Variants in ZIM2 observed in about 807,000 individuals in gnomAD.
ZIM2 encodes zinc finger protein 656.
A neutral mutation model predicts 38.6 loss-of-function variants in ZIM2; 14 were observed. The observed-to-expected ratio is 0.36, with a 90% CI of 0.24 to 0.57. The LOEUF (loss-of-function observed/expected upper bound fraction) is 0.57, where lower values mean the gene tolerates loss of function less well. Among genes scored for constraint, ZIM2 ranks in the 20% least tolerant of loss-of-function variants. The pLI is 0.81. For synonymous variants in ZIM2, 247 were observed against 245.8 expected (o/e 1.00, Z -0.04); for missense variants, 680 against 695.1 (o/e 0.98, Z 0.24).
intron 9 of ZIM2, among the ~76,000 whole-genome samples, chr19:56,795,567 A>C (rs1285703798): frequency 1.3e-5 from 2 of 152,204 alleles, no homozygotes; most frequent in Non-Finnish European, 2.9e-5. Flanking sequence ...TCTGCGGTGG[A>C]CGGGCTGAGG....
At chr19:56,836,938 C>G (rs977478068) in intron 1 of ZIM2, among the ~76,000 whole-genome samples, 6 of 141,826 alleles carry the variant, frequency 4.2e-5, no homozygotes, top group Non-Finnish European at 9.0e-5. Context: ...CCACCACACT[C>G]CAGCCTGGGT....
intron 9 of ZIM2, chr19:56,812,199 G>A: frequency 2.0e-6 from 2 of 981,702 alleles, no homozygotes; most frequent in Non-Finnish European, 2.4e-6. Context: ...TATTATGCGA[G>A]GGGAGGGGAA....
At chr19:56,810,620 A>G in intron 9 of ZIM2, 3 of 927,842 alleles carry the variant, frequency 3.2e-6, no homozygotes, top group Non-Finnish European at 3.9e-6. Flanking sequence ...CCAAAACACC[A>G]AAGATTATTT....
intron 1 of ZIM2, among the ~76,000 whole-genome samples, chr19:56,839,409 G>A (rs2062683016): frequency 6.6e-6 from 1 of 151,206 alleles, no homozygotes. Context: ...CATCAAACAT[G>A]GCGTCCAAGC....
chr19:56,814,392 A>T lies in ZIM2; in HGVS notation c.490+3354T>A, dbSNP rs200724308. 6.2e-7 allele frequency: 1 copy of T among 1,613,758 alleles called. No individual in the cohort carries two copies. The highest frequency in any genetic ancestry group is 8.5e-7 in the Non-Finnish European group (1 of 1,179,806). On this transcript the variant is annotated intron_variant, in intron 9 of 12. Coordinates refer to ENST00000629319, the MANE Select transcript of ZIM2 (RefSeq NM_001387356.1). This position sits in a 1 kb window ranked among gnomAD's most constrained non-coding sequence, Gnocchi z 5.8. ...CTTCTTCTTCCAGATGAAGCTCCTT[A>T]TGTTTAGTGAGGACTGTGCTATGAA...
intron 8 of ZIM2, 137 bp from the exon 9 acceptor site, chr19:56,817,975 T>C (rs1052956422): frequency 2.0e-5 from 13 of 661,732 alleles, no homozygotes; most frequent in Admixed American, 1.4e-4. Context: ...CAGAAGACAT[T>C]TGCTGTCTCA....
rs774903750 is a variant in ZIM2, at chr19:56,814,357, T to G, written c.490+3389A>C. 1.2e-6 allele frequency: 2 copies of G among 1,613,572 alleles called. No individual in the cohort carries two copies. The highest frequency in any genetic ancestry group is 1.7e-6 in the Non-Finnish European group (2 of 1,179,596). On this transcript the variant is annotated intron_variant, in intron 9 of 12. Transcript: ENST00000629319. This position sits in a 1 kb window ranked among gnomAD's most constrained non-coding sequence, Gnocchi z 5.8. ...TGCTGCTGCTGCAGCTGCTGCTGCT[T>G]CATCTTCTTCTTCTTCTTCCAGATG...
intron 2 of ZIM2, among the ~76,000 whole-genome samples, chr19:56,835,664 C>T (rs996047131): frequency 1.3e-5 from 2 of 152,236 alleles, no homozygotes; most frequent in Non-Finnish European, 2.9e-5. Flanking sequence ...TCCTTTCCCC[C>T]ATTGGGGCTA....
intron 9 of ZIM2, chr19:56,813,149 A>G (rs772988435): frequency 6.5e-5 from 64 of 982,314 alleles, no homozygotes; most frequent in Non-Finnish European, 7.5e-5. Flanking sequence ...AATCTTTCTC[A>G]GGATCTAAGA....
At chr19:56,824,784 G>A (rs1048526024) in intron 3 of ZIM2, 30 of 903,916 alleles carry the variant, frequency 3.3e-5, no homozygotes, top group Admixed American at 2.2e-4. Context: ...AGAAGTTGAA[G>A]ACCAGGCAGC....
At chr19:56,782,582 G>T in intron 10 of ZIM2, 1 of 349,644 alleles carries the variant, frequency 2.9e-6, no homozygotes, top group Non-Finnish European at 5.6e-6. Context: ...ATTAAGTATT[G>T]GGTAAAAATT....
intron 2 of ZIM2, chr19:56,833,334 C>T (rs1189610720): frequency 7.9e-6 from 3 of 378,390 alleles, no homozygotes; most frequent in African/African-American, 2.1e-5. Context: ...AGTCAGGAAC[C>T]GAGGAGGTTA....
chr19:56,813,421 T>C lies in ZIM2; in HGVS notation c.490+4325A>G, dbSNP rs1338954815. 30 of 1,292,616 alleles carry C rather than the reference T, an allele frequency of 2.3e-5. No homozygotes were observed. The East Asian group carries it at 8.9e-4, about 38-fold the overall frequency. 80.1% of individuals were successfully genotyped at this position (1,292,616 alleles called of 1,614,324 possible). ...GAATACTCATAGGGTTTTCTCAATC[T>C]GATTACTTGGAAAGGTAAGATGTGT... On this transcript the variant is annotated intron_variant, in intron 9 of 12. Coordinates refer to ENST00000629319, the MANE Select transcript of ZIM2 (RefSeq NM_001387356.1).
chr19:56,774,801 C>T lies in ZIM2; in HGVS notation c.1564G>A (p.Glu522Lys). ...CATAGCTGACACTGGTAAGGCCTCT[C>T]TTGAGTGTGAGTTCTATAATGCTGA... is the stretch of plus-strand genomic sequence containing the variant. ...LIQHYRTHTQ[E>K]RPYQCQLCGK... The change falls in exon 13 of 13, where the codon GAG (glutamate) becomes AAG (lysine). Residue 522 changes from glutamate (E) to lysine (K), a missense_variant. By Grantham distance (56) the Glu-to-Lys change is moderately conservative. Coordinates refer to ENST00000629319, the MANE Select transcript of ZIM2 (RefSeq NM_001387356.1). 1 of 1,614,142 alleles carries T rather than the reference C, an allele frequency of 6.2e-7. No homozygotes were observed. Among genetic ancestry groups the T allele is most frequent in the Non-Finnish European group, 8.5e-7 (1 of 1,180,026 alleles).
chr19:56,815,179 A>G, intron 9 of ZIM2: 1 of 1,613,974 alleles, frequency 6.2e-7, no homozygotes, highest in Middle Eastern at 1.7e-4. Context: ...GCCTTGAATG[A>G]CAGGGTCTTC....
At chr19:56,795,339 C>T (rs1412339697) in intron 9 of ZIM2, among the ~76,000 whole-genome samples, 2 of 152,340 alleles carry the variant, frequency 1.3e-5, no homozygotes, top group East Asian at 3.9e-4. Flanking sequence ...CCTCACGAAG[C>T]CGCGCGCTGC....
intron 9 of ZIM2, among the ~76,000 whole-genome samples, chr19:56,800,333 G>A (rs1349508122): frequency 6.6e-6 from 1 of 152,036 alleles, no homozygotes; most frequent in African/African-American, 2.4e-5. Context: ...GATGTTGGGT[G>A]TTTTCCAATT....
intron 2 of ZIM2, among the ~76,000 whole-genome samples, chr19:56,830,376 A>C (rs1418072853): frequency 6.6e-6 from 1 of 152,254 alleles, no homozygotes; most frequent in African/African-American, 2.4e-5. Flanking sequence ...GCAGTATTTC[A>C]AGTTAAAAAA....
At position 56,814,367 on chromosome 19, in the gene ZIM2, C is replaced by T. The variant is rs1327270495; in HGVS notation, c.490+3379G>A. 22 of 1,613,884 alleles carry T rather than the reference C, an allele frequency of 1.4e-5. No homozygotes were observed. Among genetic ancestry groups the T allele is most frequent in the Non-Finnish European group, 1.8e-5 (21 of 1,179,886 alleles). Reference sequence around the variant, plus strand: ...GCAGCTGCTGCTGCTTCATCTTCTTCTTCTTCTTCCAGATGAAGCTCCTTA... The same window carrying T: ...GCAGCTGCTGCTGCTTCATCTTCTTTTTCTTCTTCCAGATGAAGCTCCTTA... On this transcript the variant is annotated intron_variant, in intron 9 of 12. Coordinates refer to ENST00000629319, the MANE Select transcript of ZIM2 (RefSeq NM_001387356.1). The surrounding 1 kb of genome is among the most constrained non-coding windows in gnomAD (Gnocchi z 5.8).
Sources: gnomAD v4.1 joint callset for allele counts (sites outside exome capture counted in the v4.1 genomes callset) on GRCh38, gnomAD v4.1.1 for gene constraint, Gnocchi (gnomAD v3.1) non-coding constraint, MANE v1.5 for transcripts, NCBI Gene and HGNC (gene_info 2026-07-23, HGNC 2026-07-21) for gene names.